Variants in STARD13 observed in about 807,000 individuals in gnomAD.
STARD13 encodes the protein StAR related lipid transfer domain containing 13.
In STARD13, 62 loss-of-function variants were observed where a neutral mutation model predicts 106.4. The observed-to-expected ratio is 0.58, with a 90% CI of 0.48 to 0.72. The LOEUF (loss-of-function observed/expected upper bound fraction) is 0.72, where lower values mean the gene tolerates loss of function less well. STARD13 is among the 30% of genes least tolerant of loss of function. The probability of loss-of-function intolerance (pLI) is 0.00; values close to 1 mark genes in which losing one functional copy is unlikely to be tolerated. For missense variants in STARD13, 1,387 were observed against 1,424.0 expected (o/e 0.97, Z 0.42); for synonymous variants, 565 against 553.0 (o/e 1.02, Z -0.31).
the STARD13 span, among the ~76,000 whole-genome samples, chr13:33,479,755 G>T: frequency 7.2e-5 from 11 of 152,076 alleles, no homozygotes; most frequent in Non-Finnish European, 2.9e-5. Context: ...CCATTCTCTT[G>T]GCGCTGTTCT....
At chr13:33,203,770 G>T (rs1385728593) in intron 1 of STARD13, among the ~76,000 whole-genome samples, 1 of 152,124 alleles carries the variant, frequency 6.6e-6, no homozygotes, top group African/African-American at 2.4e-5. Context: ...ATAGAATTTT[G>T]TTTTTAATTT....
the STARD13 span, among the ~76,000 whole-genome samples, chr13:33,565,304 C>T: frequency 1.4e-5 from 2 of 146,896 alleles, no homozygotes; most frequent in African/African-American, 5.0e-5. Flanking sequence ...TAATATTAAT[C>T]AATTGTACAT....
chr13:33,334,425 G>C (rs2077871312), intron 1 of STARD13, among the ~76,000 whole-genome samples: 1 of 152,188 alleles, frequency 6.6e-6, no homozygotes, highest in African/African-American at 2.4e-5. Context: ...ACTGAACTTG[G>C]CCAAGCTCCT....
At chr13:33,623,829 A>G in the STARD13 span, among the ~76,000 whole-genome samples, 11 of 152,336 alleles carry the variant, frequency 7.2e-5, no homozygotes, top group Non-Finnish European at 1.3e-4. Flanking sequence ...AATAGAAGCT[A>G]TAAGAAGACC....
At chr13:33,670,752 T>G in the STARD13 span, among the ~76,000 whole-genome samples, 1 of 152,170 alleles carries the variant, frequency 6.6e-6, no homozygotes, top group Non-Finnish European at 1.5e-5. Flanking sequence ...CTCCCCCGAG[T>G]TGCTTATAAG....
chr13:33,544,936 G>C, the STARD13 span, among the ~76,000 whole-genome samples: 16,241 of 151,384 alleles, frequency 0.11, 974 homozygotes, highest in Admixed American at 0.17. Flanking sequence ...ACCACACCTG[G>C]CTAATTTTTT....
intron 1 of STARD13, chr13:33,274,122 T>G (rs1053054502): frequency 2.7e-5 from 4 of 150,594 alleles, no homozygotes; most frequent in Admixed American, 6.6e-5. Flanking sequence ...CAAATAAAAT[T>G]GGGAAATAAA....
chr13:33,146,074 C>T (rs959669947), intron 3 of STARD13, among the ~76,000 whole-genome samples: 1 of 152,142 alleles, frequency 6.6e-6, no homozygotes, highest in African/African-American at 2.4e-5. Context: ...CCTGTAATCC[C>T]AGCACTTTGG....
the STARD13 span, among the ~76,000 whole-genome samples, chr13:33,578,070 C>A: frequency 6.6e-6 from 1 of 152,068 alleles, no homozygotes. Context: ...AAAAAATGAC[C>A]ATACTTCCCA....
the STARD13 span, among the ~76,000 whole-genome samples, chr13:33,631,289 A>C: frequency 5.3e-5 from 8 of 152,376 alleles, no homozygotes; most frequent in South Asian, 1.7e-3. Flanking sequence ...GCAGGTTGAC[A>C]CCTATCTATC....
At chr13:33,214,242 T>C (rs1206043204) in intron 1 of STARD13, among the ~76,000 whole-genome samples, 1 of 152,260 alleles carries the variant, frequency 6.6e-6, no homozygotes, top group East Asian at 1.9e-4. Context: ...TCTTCATTTT[T>C]TGGTTTTATA....
chr13:33,650,774 C>A, the STARD13 span, among the ~76,000 whole-genome samples: 1 of 152,220 alleles, frequency 6.6e-6, no homozygotes, highest in Non-Finnish European at 1.5e-5. Flanking sequence ...GCCACAAGGG[C>A]TCTGCCCCTG....
At chr13:33,156,651 AG>A (rs1882021406) in intron 3 of STARD13, among the ~76,000 whole-genome samples, 1 of 152,118 alleles carries the variant, frequency 6.6e-6, no homozygotes, top group South Asian at 2.1e-4. Flanking sequence ...TCCTCTGTAA[AG>A]GGGGAATGAT....
At chr13:33,291,045 G>A (rs907747165) in intron 1 of STARD13, among the ~76,000 whole-genome samples, 5 of 152,154 alleles carry the variant, frequency 3.3e-5, no homozygotes, top group Non-Finnish European at 5.9e-5. Flanking sequence ...AACTACTACA[G>A]GCATAAAGTT....
the STARD13 span, among the ~76,000 whole-genome samples, chr13:33,385,880 A>T: frequency 6.6e-6 from 1 of 151,296 alleles, no homozygotes; most frequent in South Asian, 2.1e-4. Context: ...AAAAAAAATT[A>T]AAATTAAATA....
chr13:33,646,226 C>A, the STARD13 span, among the ~76,000 whole-genome samples: 1 of 152,190 alleles, frequency 6.6e-6, no homozygotes. Context: ...CTAGTCCTCA[C>A]CCAACTCATT....
intron 1 of STARD13, among the ~76,000 whole-genome samples, chr13:33,307,377 C>A (rs567879414): frequency 6.6e-6 from 1 of 152,272 alleles, no homozygotes; most frequent in East Asian, 1.9e-4. Context: ...CACTGCAGCA[C>A]TGTTCACAAT....
the STARD13 span, among the ~76,000 whole-genome samples, chr13:33,483,020 T>A: frequency 6.6e-6 from 1 of 152,216 alleles, no homozygotes; most frequent in African/African-American, 2.4e-5. Context: ...CTGATTACAG[T>A]CTGGATTTGA....
At chr13:33,409,794 C>A in the STARD13 span, among the ~76,000 whole-genome samples, 2 of 152,186 alleles carry the variant, frequency 1.3e-5, no homozygotes, top group African/African-American at 4.8e-5. Context: ...TAACATCCTT[C>A]TGGGAATAAG....
Sources: gnomAD v4.1 joint callset for allele counts (sites outside exome capture counted in the v4.1 genomes callset) on GRCh38, gnomAD v4.1.1 for gene constraint, MANE v1.5 for transcripts, NCBI Gene and HGNC (gene_info 2026-07-23, HGNC 2026-07-21) for gene names.